Variants in TMTC2 observed in about 807,000 individuals in gnomAD.
TMTC2 encodes transmembrane O-mannosyltransferase targeting cadherins 2.
TMTC2 carries 43 observed loss-of-function variants against 82.4 expected under a neutral mutation model. The observed-to-expected ratio is 0.52, with a 90% confidence interval of 0.41 to 0.67. The LOEUF is 0.67. Ranked by LOEUF, TMTC2 falls within the 30% of genes least tolerant of loss-of-function variation. The pLI is 0.00. For synonymous variants in TMTC2, 408 were observed against 381.9 expected (o/e 1.07, Z -0.80); for missense variants, 919 against 1,012.4 (o/e 0.91, Z 1.25).
chr12:82,984,094 C>T (rs1010254154), intron 7 of TMTC2, among the ~76,000 whole-genome samples: 3 of 149,800 alleles, frequency 2.0e-5, no homozygotes, highest in Non-Finnish European at 4.4e-5. Flanking sequence ...TTAACAACTA[C>T]AAGCATTTTT....
At chr12:82,688,917 A>G (rs1168182642) in intron 1 of TMTC2, among the ~76,000 whole-genome samples, 1 of 152,174 alleles carries the variant, frequency 6.6e-6, no homozygotes, top group Non-Finnish European at 1.5e-5. Context: ...GCATCTTCAC[A>G]TCTCTGTTAA....
intron 2 of TMTC2, 50 bp from the exon 3 acceptor site, chr12:82,895,768 T>C: frequency 6.7e-7 from 1 of 1,501,246 alleles, no homozygotes; most frequent in East Asian, 2.3e-5. Flanking sequence ...AGTGTTCCCA[T>C]GCTGTACTGA....
At chr12:82,947,717 GTTGTT>G (rs1349624556) in intron 4 of TMTC2, among the ~76,000 whole-genome samples, 2 of 152,032 alleles carry the variant, frequency 1.3e-5, no homozygotes, top group East Asian at 1.9e-4. Context: ...TTTTTTTGTT[GTTGTT>G]TTGTTTTGTT....
chr12:82,964,025 G>C (rs1033473597), intron 4 of TMTC2, among the ~76,000 whole-genome samples: 9 of 151,250 alleles, frequency 6.0e-5, no homozygotes, highest in African/African-American at 2.2e-4. Flanking sequence ...AACAGAATAA[G>C]TTTTTATTAG....
intron 4 of TMTC2, among the ~76,000 whole-genome samples, chr12:82,964,308 C>T (rs1462234045): frequency 2.6e-5 from 4 of 151,978 alleles, no homozygotes. Flanking sequence ...TGGGTTCTGG[C>T]ATGGCTGAGA....
chr12:82,921,665 T>A (rs1246631500), intron 3 of TMTC2, among the ~76,000 whole-genome samples: 1 of 152,106 alleles, frequency 6.6e-6, no homozygotes, highest in Non-Finnish European at 1.5e-5. Flanking sequence ...GAAACTTCAT[T>A]GGGAAAAAAC....
At chr12:82,891,667 G>A (rs1873402141) in intron 2 of TMTC2, among the ~76,000 whole-genome samples, 1 of 152,058 alleles carries the variant, frequency 6.6e-6, no homozygotes, top group African/African-American at 2.4e-5. Flanking sequence ...GAAAATTGCA[G>A]TTTCATACTT....
chr12:82,891,082 A>C (rs148321428), intron 2 of TMTC2, among the ~76,000 whole-genome samples: 3 of 152,332 alleles, frequency 2.0e-5, no homozygotes, highest in African/African-American at 4.8e-5. Flanking sequence ...AGAAATGCTA[A>C]GGTAAATTGT....
rs1204341806 is a variant in TMTC2 at position 82,687,325 on chromosome 12, C to G, written c.-262C>G. On this transcript the variant is annotated 5_prime_UTR_variant, in exon 1 of 12. Transcript: ENST00000321196. ...CGCCGGGGGACGCGGAGCCCAAACG[C>G]CGCTCACCGCTTGCGGGCGCCGGGC... is the stretch of plus-strand genomic sequence containing the variant. 1.3e-5 allele frequency: 7 copies of G among 537,554 alleles called. No individual in the cohort carries two copies. In the East Asian group the frequency reaches 2.3e-4, roughly 17 times the overall value. The allele number at this position is 537,554 out of a possible 1,614,324, so 33.3% of individuals were successfully genotyped here.
chr12:82,820,294 A>C (rs1367728429), intron 1 of TMTC2, among the ~76,000 whole-genome samples: 1 of 152,162 alleles, frequency 6.6e-6, no homozygotes, highest in Non-Finnish European at 1.5e-5. Context: ...AATACCTTGC[A>C]TCCTTCAATG....
At chr12:83,055,501 A>G (rs1330065067) in intron 10 of TMTC2, among the ~76,000 whole-genome samples, 1 of 152,094 alleles carries the variant, frequency 6.6e-6, no homozygotes, top group African/African-American at 2.4e-5. Flanking sequence ...AGAACACAGT[A>G]GAGTTATATC....
In TMTC2 at chr12:83,009,760, G is replaced by A. The variant is rs142683691; in HGVS notation, c.2071-21038G>A. On this transcript the variant is annotated intron_variant, in intron 8 of 11. Transcript: ENST00000321196. ...TATAACAGTGGCCCCCATCCTTTTT[G>A]GCACCAGGGACCAGTTTAATGGAAG... Among the ~76,000 whole-genome samples the A allele has an allele frequency of 4.5e-3, 691 of 152,150 alleles. 3 individuals are homozygous for A. The highest frequency in any genetic ancestry group is 0.016 in the African/African-American group (651 of 41,498).
intron 4 of TMTC2, among the ~76,000 whole-genome samples, chr12:82,956,305 A>G (rs1367843310): frequency 6.6e-6 from 1 of 152,128 alleles, no homozygotes; most frequent in Non-Finnish European, 1.5e-5. Flanking sequence ...AAATATATAT[A>G]TATATATGTC....
chr12:82,949,631 T>A (rs76663266), intron 4 of TMTC2, among the ~76,000 whole-genome samples: 3 of 152,350 alleles, frequency 2.0e-5, no homozygotes, highest in African/African-American at 7.2e-5. Flanking sequence ...TATTTAATCC[T>A]TATTCTTCAT....
chr12:83,080,322 A>G (rs1239586333), intron 11 of TMTC2, among the ~76,000 whole-genome samples: 2 of 152,166 alleles, frequency 1.3e-5, no homozygotes, highest in Non-Finnish European at 1.5e-5. Context: ...TGAGAGGGTC[A>G]AAACTGATAA....
chr12:82,821,292 G>A (rs1369736987), intron 1 of TMTC2, among the ~76,000 whole-genome samples: 1 of 152,088 alleles, frequency 6.6e-6, no homozygotes, highest in African/African-American at 2.4e-5. Context: ...TATGCCATAA[G>A]CATCTCACAA....
In TMTC2 at chr12:82,782,439, G is replaced by C. The variant is rs570430342; in HGVS notation, c.84-74571G>C. ...CAGTAGACATTTTATCTTCATTTCA[G>C]CTGAGAGCTTTGCTAGCCTTCCTAG... On this transcript the variant is annotated intron_variant, in intron 1 of 11. Coordinates refer to ENST00000321196, the MANE Select transcript of TMTC2 (RefSeq NM_152588.3). Among the ~76,000 whole-genome samples, 3 of 152,216 alleles carry C rather than the reference G, an allele frequency of 2.0e-5. No individual in the cohort carries two copies. The East Asian group carries it at 5.8e-4, about 29-fold the overall frequency.
At chr12:82,948,595 A>T (rs1877163504) in intron 4 of TMTC2, among the ~76,000 whole-genome samples, 1 of 152,196 alleles carries the variant, frequency 6.6e-6, no homozygotes, top group African/African-American at 2.4e-5. Context: ...AAGATACATG[A>T]TACCTTTTCC....
intron 1 of TMTC2, among the ~76,000 whole-genome samples, chr12:82,827,530 T>C (rs1038850801): frequency 6.6e-6 from 1 of 152,196 alleles, no homozygotes; most frequent in Non-Finnish European, 1.5e-5. Context: ...CCAGGTTAAA[T>C]TGTATCCTAG....
Sources: allele counts gnomAD v4.1 joint callset (sites outside exome capture counted in the v4.1 genomes callset), GRCh38; gene constraint gnomAD v4.1.1; transcripts MANE v1.5; gene names NCBI Gene and HGNC (gene_info 2026-07-23, HGNC 2026-07-21).